Variants in CPNE7 observed in about 807,000 individuals in gnomAD.
CPNE7 encodes copine 7.
In CPNE7, 78 loss-of-function variants were observed where a neutral mutation model predicts 66.5. The ratio of observed to expected loss-of-function variants is 1.17; its 90% CI spans 0.98 to 1.42. The LOEUF (loss-of-function observed/expected upper bound fraction) is 1.42. CPNE7 is among the 40% of genes most tolerant of loss of function. The pLI is 0.00. For missense variants in CPNE7, 1,012 were observed against 776.6 expected (o/e 1.30, Z -3.60); for synonymous variants, 468 against 336.7 (o/e 1.39, Z -4.27).
At chr16:89,595,639 T>C in intron 14 of CPNE7, 36 bp downstream of exon 14, 1 of 1,550,812 alleles carries the variant, frequency 6.4e-7, no homozygotes, top group Non-Finnish European at 8.8e-7. Flanking sequence ...AAGGCCGGCT[T>C]GGGGGTCCCT....
chr16:89,596,405 T>C, intron 14 of CPNE7, 79 bp from the exon 15 acceptor site: 2 of 1,529,370 alleles, frequency 1.3e-6, no homozygotes, highest in Non-Finnish European at 1.8e-6. Flanking sequence ...GGATGAGGCC[T>C]GGGCCATAAT....
At chr16:89,582,750 C>T (rs952409489) in intron 2 of CPNE7, among the ~76,000 whole-genome samples, 75 of 152,268 alleles carry the variant, frequency 4.9e-4, no homozygotes, top group African/African-American at 1.7e-3. Flanking sequence ...GGGACTGCCC[C>T]TCTCTGCTTT....
At chr16:89,579,717 C>T (rs557447485) in intron 2 of CPNE7, among the ~76,000 whole-genome samples, 1 of 151,428 alleles carries the variant, frequency 6.6e-6, no homozygotes, top group Non-Finnish European at 1.5e-5. Context: ...CATCCCATCA[C>T]CCATCACACG....
chr16:89,596,545 A>T lies in CPNE7; in HGVS notation c.1601A>T (p.Tyr534Phe). 1 of 1,609,810 alleles carries T rather than the reference A, an allele frequency of 6.2e-7. No homozygotes were observed. The highest frequency in any genetic ancestry group is 2.2e-5 in the East Asian group (1 of 44,872). ...LAEVPKQVVEYYSHRGLPPRS... is the reference protein window; with the variant it reads ...LAEVPKQVVEFYSHRGLPPRS... ...GAGGTCCCGAAGCAGGTGGTGGAGT[A>T]CTACAGCCACAGAGGCCTGCCCCCG... Residue 534 changes from tyrosine to phenylalanine, a missense_variant, in exon 15 of 15, where the codon TAC becomes TTC. By Grantham distance (22) the Tyr-to-Phe change is conservative. Transcript: ENST00000319518.
chr16:89,586,836 T>C, intron 8 of CPNE7, 80 bp downstream of exon 8: 2 of 1,340,084 alleles, frequency 1.5e-6, no homozygotes, highest in Non-Finnish European at 2.1e-6. Flanking sequence ...GGATGGACCC[T>C]CAACCAGAGG....
chr16:89,586,776 G>A lies in CPNE7; in HGVS notation c.867+20G>A, dbSNP rs2292956. 1.6e-3 allele frequency: 2,490 copies of A among 1,599,658 alleles called. 12 individuals are homozygous for A. The East Asian group carries it at 0.017, about 11-fold the overall frequency. On this transcript the variant is annotated intron_variant, in intron 8 of 14. Coordinates refer to ENST00000319518, the MANE Select transcript of CPNE7 (RefSeq NM_153636.3). ...CTCAAGGTGAGAGGTGGCTGTGCCC[G>A]AAGCCTCCCCACCCACAAGAGGGGC...
chr16:89,595,800 C>G (rs757496305), intron 14 of CPNE7, 197 bp downstream of exon 14: 2 of 695,482 alleles, frequency 2.9e-6, no homozygotes, highest in African/African-American at 1.8e-5. Flanking sequence ...CACCCTCCAC[C>G]GTTTTGAAAC....
intron 2 of CPNE7, chr16:89,578,852 C>A (rs369025222): frequency 1.3e-5 from 21 of 1,610,066 alleles, no homozygotes; most frequent in Non-Finnish European, 1.7e-5. Context: ...TTACGGCCTC[C>A]ACAGCCAGCC....
chr16:89,590,914 G>A, intron 11 of CPNE7, 93 bp from the exon 12 acceptor site: 1 of 1,354,076 alleles, frequency 7.4e-7, no homozygotes, highest in Non-Finnish European at 1.0e-6. Flanking sequence ...GGACATGGGG[G>A]CTGGGGACGG....
In CPNE7 at chr16:89,580,420, ATCACCCATCACACAGAACATC is replaced by A. The variant is rs2058935095; in HGVS notation, c.357+2713_357+2733del. 1.4e-4 allele frequency among the ~76,000 whole-genome samples: 16 copies of A among 118,296 alleles called. 1 individual carries two copies. The highest frequency in any genetic ancestry group is 2.8e-4 in the South Asian group (1 of 3,548). 77.6% of individuals were successfully genotyped at this position (118,296 alleles called of 152,430 possible). ...CATCACCCGTCACACGGAACATCCC[ATCACCCATCACACAGAACATC>A]TCACCCATCACACGGAACATCTCAC... On this transcript the variant is annotated intron_variant, in intron 2 of 14. Transcript: ENST00000319518.
chr16:89,596,947 GC>G lies in CPNE7; in HGVS notation c.*327del, dbSNP rs1489226234. 4.2e-6 allele frequency: 1 copy of G among 237,184 alleles called. No individual in the cohort carries two copies. The highest frequency in any genetic ancestry group is 8.0e-6 in the Non-Finnish European group (1 of 124,698). The allele number at this position is 237,184 out of a possible 1,614,324, so 14.7% of individuals were successfully genotyped here. A position where few individuals can be genotyped will look rare whatever the true frequency, so the allele number is the denominator to read the frequency against. On this transcript the variant is annotated 3_prime_UTR_variant, in exon 15 of 15. Coordinates refer to ENST00000319518, the MANE Select transcript of CPNE7 (RefSeq NM_153636.3). ...CGATGAGAAGGGGCAGGGACTGGGG[GC>G]TCTGCTTTGCGTCTAACCTTTGTGG... is the stretch of plus-strand genomic sequence containing the variant.
intron 2 of CPNE7, chr16:89,578,891 G>C: frequency 6.8e-6 from 11 of 1,613,588 alleles, no homozygotes; most frequent in Non-Finnish European, 9.3e-6. Flanking sequence ...GTCGTGATGA[G>C]AGTGTCTGTT....
chr16:89,575,846 C>T lies in CPNE7; in HGVS notation c.-52C>T. 1 of 1,153,756 alleles carries T rather than the reference C, an allele frequency of 8.7e-7. No individual in the cohort carries two copies. Among genetic ancestry groups the T allele is most frequent in the Non-Finnish European group, 1.1e-6 (1 of 937,004 alleles). 71.5% of individuals were successfully genotyped at this position (1,153,756 alleles called of 1,614,324 possible). A position where few individuals can be genotyped will look rare whatever the true frequency, so the allele number is the denominator to read the frequency against. On this transcript the variant is annotated 5_prime_UTR_variant, in exon 1 of 15. Coordinates refer to ENST00000319518, the MANE Select transcript of CPNE7 (RefSeq NM_153636.3). ...CCCGGGCGCCGCGGCGGCGCCGACT[C>T]GCGGGCAGCGGCCCCTCAGTGCGCC...
chr16:89,592,169 C>T (rs530455946), intron 13 of CPNE7, among the ~76,000 whole-genome samples: 50 of 130,648 alleles, frequency 3.8e-4, no homozygotes, highest in Admixed American at 6.9e-4. Context: ...CCATCATGCC[C>T]GGCTAATTTT....
intron 1 of CPNE7, 131 bp from the exon 2 acceptor site, chr16:89,577,408 G>A: frequency 2.2e-6 from 2 of 894,202 alleles, no homozygotes; most frequent in South Asian, 3.3e-5. Flanking sequence ...CAGAGAGCAG[G>A]CAGGAGGTCT....
At position 89,587,264 on chromosome 16, in the gene CPNE7, T is replaced by C. The variant is rs28715056; in HGVS notation, c.927+162T>C. On this transcript the variant is annotated intron_variant, in intron 9 of 14. Coordinates refer to ENST00000319518, the MANE Select transcript of CPNE7 (RefSeq NM_153636.3). ...CCCCGCCCCTCCCGCCCCCTCAGTCTGTGGCCCCGCCCATCCCCGCCCCCT... is the reference window on the plus strand; with the variant it reads ...CCCCGCCCCTCCCGCCCCCTCAGTCCGTGGCCCCGCCCATCCCCGCCCCCT... Among the ~76,000 whole-genome samples, 8 of 826 alleles carry C rather than the reference T, an allele frequency of 9.7e-3. 2 individuals are homozygous for C. Among genetic ancestry groups the C allele is most frequent in the South Asian group, 0.045 (1 of 22 alleles). 0.5% of individuals were successfully genotyped at this position (826 alleles called of 152,430 possible).
Position 89,595,502 on chromosome 16 carries a change from A to T in CPNE7, c.1438A>T (p.Met480Leu), listed in dbSNP as rs777792188. 1 of 1,612,646 alleles carries T rather than the reference A, an allele frequency of 6.2e-7. No homozygotes were observed. Among genetic ancestry groups the T allele is most frequent in the South Asian group, 1.1e-5 (1 of 91,060 alleles). Residue 480 changes from methionine (M) to leucine (L), a missense_variant, in exon 14 of 15, where the codon ATG becomes TTG. Physicochemically the swap from Met to Leu is conservative, Grantham distance 15 (BLOSUM62 2). Coordinates refer to ENST00000319518, the MANE Select transcript of CPNE7 (RefSeq NM_153636.3). ...VGVGNADFTD[M>L]QVLDGDDGVL... Reference sequence around the variant, plus strand: ...CGTGGGCAACGCCGACTTCACCGACATGCAGGTCCTGGACGGCGACGACGG... The same window carrying T: ...CGTGGGCAACGCCGACTTCACCGACTTGCAGGTCCTGGACGGCGACGACGG...
Position 89,575,792 on chromosome 16 carries a change from C to T in CPNE7, c.-106C>T, listed in dbSNP as rs547735244. 1.4e-5 allele frequency: 12 copies of T among 862,732 alleles called. No individual in the cohort carries two copies. The South Asian group carries it at 5.4e-4, about 39-fold the overall frequency. The allele number at this position is 862,732 out of a possible 1,614,324, so 53.4% of individuals were successfully genotyped here. A position where few individuals can be genotyped will look rare whatever the true frequency, so the allele number is the denominator to read the frequency against. On this transcript the variant is annotated 5_prime_UTR_variant, in exon 1 of 15. Coordinates refer to ENST00000319518, the MANE Select transcript of CPNE7 (RefSeq NM_153636.3). Reference sequence around the variant, plus strand: ...CGCGCCCGGCAGGCGTTCAGGGAAGCGCGGCCACGCCTGGGCCGGCCACCA... The same window carrying T: ...CGCGCCCGGCAGGCGTTCAGGGAAGTGCGGCCACGCCTGGGCCGGCCACCA...
In CPNE7 at chr16:89,575,902, G is replaced by A. The variant is rs988809113; in HGVS notation, c.5G>A (p.Ser2Asn). The A allele has an allele frequency of 2.4e-6, 3 of 1,233,068 alleles. No individual in the cohort carries two copies. The highest frequency in any genetic ancestry group is 3.1e-4 in the Middle Eastern group (1 of 3,184). The allele number at this position is 1,233,068 out of a possible 1,614,324, so 76.4% of individuals were successfully genotyped here. M[S>N]AGSERGAAAT... is the part of the protein sequence containing the mutation. Reference sequence around the variant, plus strand: ...GGGCCCCCGAACGCCGGGAGCATGAGCGCGGGCTCGGAGCGCGGGGCGGCG... The same window carrying A: ...GGGCCCCCGAACGCCGGGAGCATGAACGCGGGCTCGGAGCGCGGGGCGGCG... Residue 2 changes from serine to asparagine, a missense_variant, in exon 1 of 15, where the codon AGC becomes AAC. Physicochemically the swap from Ser to Asn is conservative, Grantham distance 46. Transcript: ENST00000319518.
Sources: allele counts gnomAD v4.1 joint callset (sites outside exome capture counted in the v4.1 genomes callset), GRCh38; gene constraint gnomAD v4.1.1; transcripts MANE v1.5; gene names NCBI Gene and HGNC (gene_info 2026-07-23, HGNC 2026-07-21).